Variants in ALMS1 observed in about 807,000 individuals in gnomAD.
ALMS1 encodes centrosome-associated protein ALMS1.
Under a neutral mutation model 352.2 loss-of-function variants are expected in ALMS1, and 271 were observed. The ratio of observed to expected loss-of-function variants is 0.77; its 90% CI spans 0.70 to 0.85. The LOEUF (loss-of-function observed/expected upper bound fraction) is 0.85. ALMS1 is among the 40% of genes least tolerant of loss of function. The probability of loss-of-function intolerance (pLI) is 0.00; values close to 1 mark genes in which losing one functional copy is unlikely to be tolerated. For missense variants in ALMS1, 5,445 were observed against 4,870.7 expected, an observed-to-expected ratio of 1.12 and a Z score of -3.51; for synonymous variants, 1,865 against 1,761.2, an observed-to-expected ratio of 1.06 and a Z score of -1.48.
Position 73,424,637 on chromosome 2 carries a change from T to C in ALMS1, c.972T>C (p.Ile324=), listed in dbSNP as rs1671343757. 3.1e-6 allele frequency: 5 copies of C among 1,614,052 alleles called. No individual in the cohort carries two copies. Among genetic ancestry groups the C allele is most frequent in the Non-Finnish European group, 4.2e-6 (5 of 1,180,006 alleles). ...PSEQGNNEET[I]SSVDELKIPK... is the part of the protein sequence containing the mutation. ...AACAAGGGAATAATGAAGAGACTAT[T>C]TCGTCTGTTGATGAACTGAAAATTC... is the stretch of plus-strand genomic sequence containing the variant. The change falls in exon 5 of 23, where the codon ATT becomes ATC. Residue 324 remains isoleucine, a synonymous_variant. Transcript: ENST00000613296.
At chr2:73,411,874 T>C (rs772108455) in intron 2 of ALMS1, among the ~76,000 whole-genome samples, 15 of 152,212 alleles carry the variant, frequency 9.9e-5, no homozygotes, top group Non-Finnish European at 2.1e-4. Flanking sequence ...TACCTGTATG[T>C]AGTTACTCAT....
chr2:73,419,701 T>C (rs1572911432), intron 3 of ALMS1, among the ~76,000 whole-genome samples: 1 of 152,230 alleles, frequency 6.6e-6, no homozygotes, highest in Non-Finnish European at 1.5e-5. Context: ...ATTTACCTTT[T>C]TGATTTTTAG....
At chr2:73,560,869 A>G (rs538179814) in intron 15 of ALMS1, among the ~76,000 whole-genome samples, 21 of 152,332 alleles carry the variant, frequency 1.4e-4, no homozygotes, top group Non-Finnish European at 2.5e-4. Flanking sequence ...ATTTAGGAGG[A>G]TGAGAGAGAC....
At position 73,599,653 on chromosome 2, in the gene ALMS1, C is replaced by T. The variant is rs982529648; in HGVS notation, c.11668+132C>T. 7.1e-6 allele frequency: 8 copies of T among 1,132,564 alleles called. No homozygotes were observed. In the African/African-American group the frequency reaches 9.3e-5, roughly 13 times the overall value. 70.2% of individuals were successfully genotyped at this position (1,132,564 alleles called of 1,614,324 possible). Reference sequence around the variant, plus strand: ...ATCCAACTGCCAATTTTCATCTTGTCAGATTGGCATAAATTCAAGTTTGAT... The same window carrying T: ...ATCCAACTGCCAATTTTCATCTTGTTAGATTGGCATAAATTCAAGTTTGAT... On this transcript the variant is annotated intron_variant, in intron 17 of 22. Coordinates refer to ENST00000613296, the MANE Select transcript of ALMS1 (RefSeq NM_001378454.1).
intron 10 of ALMS1, among the ~76,000 whole-genome samples, chr2:73,493,398 A>G (rs1354116358): frequency 6.6e-6 from 1 of 151,146 alleles, no homozygotes; most frequent in Non-Finnish European, 1.5e-5. Flanking sequence ...ACATATATAT[A>G]TAAGTAAATA....
At chr2:73,584,874 A>C (rs1301388322) in intron 16 of ALMS1, among the ~76,000 whole-genome samples, 1 of 151,994 alleles carries the variant, frequency 6.6e-6, no homozygotes, top group Non-Finnish European at 1.5e-5. Context: ...AAATGAGAAC[A>C]TACAATATTT....
chr2:73,594,002 G>GT (rs1477041986), intron 16 of ALMS1, among the ~76,000 whole-genome samples: 3 of 152,094 alleles, frequency 2.0e-5, no homozygotes, highest in Admixed American at 1.3e-4. Flanking sequence ...TGTTGTTTCT[G>GT]TTTTTTGTCT....
chr2:73,406,873 T>A (rs1852645), intron 1 of ALMS1, among the ~76,000 whole-genome samples: 1 of 152,192 alleles, frequency 6.6e-6, no homozygotes, highest in East Asian at 1.9e-4. Flanking sequence ...GTGATCCACT[T>A]GCCTTGCCTC....
At chr2:73,579,063 C>T (rs1359676475) in intron 16 of ALMS1, among the ~76,000 whole-genome samples, 22 of 119,126 alleles carry the variant, frequency 1.8e-4, no homozygotes, top group African/African-American at 3.9e-4. Flanking sequence ...CTCCTTTATT[C>T]TTTTTTTATT....
intron 10 of ALMS1, among the ~76,000 whole-genome samples, chr2:73,498,589 A>C (rs1673157119): frequency 6.6e-6 from 1 of 151,836 alleles, no homozygotes; most frequent in African/African-American, 2.4e-5. Flanking sequence ...AGCCTCTGGT[A>C]ACCATCCTTC....
In ALMS1 at chr2:73,548,392, G is replaced by A. The variant is rs1229622841; in HGVS notation, c.9908-1875G>A. On this transcript the variant is annotated intron_variant, in intron 12 of 22. Coordinates refer to ENST00000613296, the MANE Select transcript of ALMS1 (RefSeq NM_001378454.1). ...TAAGTATATGTACATTCACTGACAC[G>A]CACACATGTGTGGCTGCACTCTCTC... Among the ~76,000 whole-genome samples the A allele has an allele frequency of 3.9e-5, 6 of 152,106 alleles. No homozygotes were observed. The East Asian group carries it at 5.8e-4, about 15-fold the overall frequency.
intron 2 of ALMS1, among the ~76,000 whole-genome samples, chr2:73,418,446 C>T (rs1034995388): frequency 1.3e-5 from 2 of 152,162 alleles, no homozygotes; most frequent in Non-Finnish European, 2.9e-5. Context: ...TCGGCCCAGC[C>T]CTTGCGTGCA....
At chr2:73,488,073 C>T (rs905056881) in intron 9 of ALMS1, among the ~76,000 whole-genome samples, 2 of 152,224 alleles carry the variant, frequency 1.3e-5, no homozygotes, top group African/African-American at 4.8e-5. Flanking sequence ...ACTGGCAGCC[C>T]TTCAACCCAT....
rs1278648561 is a variant in ALMS1, at chr2:73,491,034, A to G, written c.9075A>G (p.Pro3025=). 2 of 1,614,094 alleles carry G rather than the reference A, an allele frequency of 1.2e-6. No individual in the cohort carries two copies. Among genetic ancestry groups the G allele is most frequent in the African/African-American group, 1.3e-5 (1 of 74,940 alleles). The change falls in exon 10 of 23, where the codon CCA becomes CCG. Residue 3025 remains proline, a synonymous_variant. Coordinates refer to ENST00000613296, the MANE Select transcript of ALMS1 (RefSeq NM_001378454.1). ...ATACTGTGGTCTCCCAGTCAGCCCC[A>G]AATCACTGTACATTAGCAGCATCTG... The part of the protein sequence containing the change: ...KFNTVVSQSA[P]NHCTLAASAS...
At chr2:73,576,961 A>G (rs528640218) in intron 16 of ALMS1, among the ~76,000 whole-genome samples, 1 of 151,996 alleles carries the variant, frequency 6.6e-6, no homozygotes, top group Non-Finnish European at 1.5e-5. Flanking sequence ...GTGTATATTT[A>G]TTGATAATCA....
At position 73,422,988 on chromosome 2, in the gene ALMS1, T is replaced by C. The variant is rs1553400457; in HGVS notation, c.764+14T>C. 3 of 1,578,622 alleles carry C rather than the reference T, an allele frequency of 1.9e-6. No homozygotes were observed. Among genetic ancestry groups the C allele is most frequent in the Non-Finnish European group, 8.7e-7 (1 of 1,148,164 alleles). ...TGCACCTCTGAGGTAGGATGATTTA[T>C]TTGCATGTAACCTTTCTCACTTCTT... On this transcript the variant is annotated intron_variant, in intron 4 of 22. Transcript: ENST00000613296.
At chr2:73,399,745 C>T (rs80265494) in intron 1 of ALMS1, among the ~76,000 whole-genome samples, 2,945 of 151,906 alleles carry the variant, frequency 0.019, 111 homozygotes, top group African/African-American at 0.065. Context: ...GGCAAAGCTT[C>T]GAGTTTCATT....
chr2:73,465,498 T>G (rs2103826521), intron 9 of ALMS1, among the ~76,000 whole-genome samples: 1 of 152,312 alleles, frequency 6.6e-6, no homozygotes, highest in South Asian at 2.1e-4. Flanking sequence ...CAAGATGGAT[T>G]AAAGACTTAC....
chr2:73,428,730 A>G (rs565548312), intron 6 of ALMS1, among the ~76,000 whole-genome samples: 77 of 152,302 alleles, frequency 5.1e-4, no homozygotes, highest in Non-Finnish European at 7.8e-4. Flanking sequence ...TTGTAGCTCT[A>G]TCTGTCTTAG....
Sources: gnomAD v4.1 joint callset for allele counts (sites outside exome capture counted in the v4.1 genomes callset) on GRCh38, gnomAD v4.1.1 for gene constraint, MANE v1.5 for transcripts, NCBI Gene and HGNC (gene_info 2026-07-23, HGNC 2026-07-21) for gene names.